PLBD1: variants seen among roughly 807,000 people sequenced by gnomAD.
The protein encoded by PLBD1 is phospholipase B domain containing 1, also known as lysosomal leucine aminopeptidase.
Under a neutral mutation model 63.0 loss-of-function variants are expected in PLBD1, and 60 were observed. The ratio of observed to expected loss-of-function variants is 0.95; its 90% CI spans 0.77 to 1.18. The LOEUF (loss-of-function observed/expected upper bound fraction) is 1.18, where lower values mean the gene tolerates loss of function less well. PLBD1 is among the 50% of genes most tolerant of loss of function. PLBD1 has a pLI of 0.00. For missense variants in PLBD1, 598 were observed against 677.9 expected (o/e 0.88, Z 1.31); for synonymous variants, 262 against 248.0 (o/e 1.06, Z -0.53).
intron 1 of PLBD1, among the ~76,000 whole-genome samples, chr12:14,563,935 T>C (rs1480938974): frequency 6.6e-6 from 1 of 152,198 alleles, no homozygotes; most frequent in Non-Finnish European, 1.5e-5. Flanking sequence ...CGAATGAATT[T>C]GGAAATAAGA....
chr12:14,558,858 T>C (rs1226191250), intron 1 of PLBD1, among the ~76,000 whole-genome samples: 1 of 152,244 alleles, frequency 6.6e-6, no homozygotes, highest in Non-Finnish European at 1.5e-5. Flanking sequence ...GACACTCGTG[T>C]ACCTCCATGA....
At chr12:14,533,735 TC>T (rs1945486985) in intron 6 of PLBD1, among the ~76,000 whole-genome samples, 1 of 152,166 alleles carries the variant, frequency 6.6e-6, no homozygotes, top group South Asian at 2.1e-4. Flanking sequence ...GAGTCCCCAG[TC>T]CCCCTCAATG....
chr12:14,551,102 T>C (rs768168519), intron 2 of PLBD1, among the ~76,000 whole-genome samples: 108 of 151,904 alleles, frequency 7.1e-4, no homozygotes, highest in Non-Finnish European at 1.5e-3. Flanking sequence ...TGGTGGTTCA[T>C]GCCTGTAATC....
intron 2 of PLBD1, among the ~76,000 whole-genome samples, chr12:14,546,974 A>G (rs763076016): frequency 6.6e-6 from 1 of 151,884 alleles, no homozygotes; most frequent in Non-Finnish European, 1.5e-5. Context: ...TTTGCCACCG[A>G]GGTTCAAGCA....
At chr12:14,515,105 T>C (rs1332410307) in intron 6 of PLBD1, among the ~76,000 whole-genome samples, 3 of 152,204 alleles carry the variant, frequency 2.0e-5, no homozygotes, top group Non-Finnish European at 4.4e-5. Flanking sequence ...AACCACTATG[T>C]AGTCATGCAA....
rs200131855 is a variant in PLBD1 at position 14,535,709 on chromosome 12, A to G, written c.794T>C (p.Val265Ala). Residue 265 changes from valine (V) to alanine (A), a missense_variant, in exon 6 of 11, where the codon GTC (valine) becomes GCC (alanine). By Grantham distance (64) the Val-to-Ala change is moderately conservative. Coordinates refer to ENST00000240617, the MANE Select transcript of PLBD1 (RefSeq NM_024829.6). Reference protein sequence around the residue: ...LRIYKHWDFNVIDKDTSSSRL... With the variant: ...LRIYKHWDFNAIDKDTSSSRL... Reference sequence around the variant, plus strand: ...ACTACTGCTGGTATCTTTATCTATGACGTTGAAGTCCCAGTGTTTATATAT... The same window carrying G: ...ACTACTGCTGGTATCTTTATCTATGGCGTTGAAGTCCCAGTGTTTATATAT... 9.9e-6 allele frequency: 16 copies of G among 1,613,884 alleles called. No individual in the cohort carries two copies. The East Asian group carries it at 3.3e-4, about 34-fold the overall frequency.
chr12:14,537,630 G>A (rs1945530854), intron 4 of PLBD1, among the ~76,000 whole-genome samples: 1 of 152,174 alleles, frequency 6.6e-6, no homozygotes, highest in Admixed American at 6.5e-5. Flanking sequence ...TGTGCAAACT[G>A]GAGAGCACGG....
chr12:14,503,989 T>A (rs1945227099), intron 10 of PLBD1, 35 bp from the exon 11 acceptor site: 1 of 1,561,482 alleles, frequency 6.4e-7, no homozygotes, highest in Non-Finnish European at 8.7e-7. Context: ...TTTTAGAAAA[T>A]CATCGTTCAG....
chr12:14,562,618 G>A (rs1008500381), intron 1 of PLBD1, among the ~76,000 whole-genome samples: 10 of 151,880 alleles, frequency 6.6e-5, no homozygotes, highest in African/African-American at 1.9e-4. Flanking sequence ...AAGAAGCTCC[G>A]TAATAACATT....
At chr12:14,527,924 G>A (rs1236959645) in intron 6 of PLBD1, among the ~76,000 whole-genome samples, 1 of 151,720 alleles carries the variant, frequency 6.6e-6, no homozygotes, top group Non-Finnish European at 1.5e-5. Flanking sequence ...ATTAAGGCAA[G>A]GAGTTGTACT....
chr12:14,546,467 T>C (rs1945617354), intron 2 of PLBD1, among the ~76,000 whole-genome samples: 2 of 152,234 alleles, frequency 1.3e-5, no homozygotes, highest in South Asian at 4.1e-4. Context: ...CTTCCATCAC[T>C]GCACCCTGCC....
intron 6 of PLBD1, among the ~76,000 whole-genome samples, chr12:14,519,402 T>C (rs1428217181): frequency 1.3e-5 from 2 of 151,530 alleles, no homozygotes; most frequent in African/African-American, 2.4e-5. Flanking sequence ...AGGTGGATCA[T>C]GAGGTAAGGA....
chr12:14,504,798 A>G (rs1378088803), intron 10 of PLBD1, among the ~76,000 whole-genome samples: 1 of 152,230 alleles, frequency 6.6e-6, no homozygotes, highest in East Asian at 1.9e-4. Flanking sequence ...GAGGGGAAAG[A>G]GAATCTCTTC....
At chr12:14,523,776 A>G (rs573894195) in intron 6 of PLBD1, among the ~76,000 whole-genome samples, 70 of 152,300 alleles carry the variant, frequency 4.6e-4, no homozygotes, top group South Asian at 3.1e-3. Context: ...ATCTACATGG[A>G]GAGGAATGAA....
intron 2 of PLBD1, among the ~76,000 whole-genome samples, chr12:14,550,284 A>G (rs1945646436): frequency 6.6e-6 from 1 of 152,218 alleles, no homozygotes. Flanking sequence ...TAGAGATTCT[A>G]GAGCTATCTC....
At chr12:14,512,530 T>C (rs1337507897) in intron 6 of PLBD1, among the ~76,000 whole-genome samples, 1 of 152,200 alleles carries the variant, frequency 6.6e-6, no homozygotes, top group Non-Finnish European at 1.5e-5. Context: ...ATTGACACTC[T>C]TGGTCAATGC....
In PLBD1 at chr12:14,536,484, G is replaced by A. The variant is rs1253891749; in HGVS notation, c.699+86C>T. On this transcript the variant is annotated intron_variant, in intron 5 of 10. Coordinates refer to ENST00000240617, the MANE Select transcript of PLBD1 (RefSeq NM_024829.6). ...GAGCTGATATACAGTTATAGCCAGG[G>A]GTGATGAGATGTTGCTATACTTGGG... 2.8e-6 allele frequency: 4 copies of A among 1,418,426 alleles called. No individual in the cohort carries two copies. In the South Asian group the frequency reaches 3.8e-5, roughly 14 times the overall value. 87.9% of individuals were successfully genotyped at this position (1,418,426 alleles called of 1,614,324 possible).
At chr12:14,567,413 C>A (rs1945799225) in intron 1 of PLBD1, among the ~76,000 whole-genome samples, 169 bp downstream of exon 1, 1 of 152,194 alleles carries the variant, frequency 6.6e-6, no homozygotes, top group South Asian at 2.1e-4. Context: ...GCCCTCGCTG[C>A]GCAGCCGCAG....
chr12:14,507,393 T>C (rs1015060996), intron 8 of PLBD1, among the ~76,000 whole-genome samples: 5 of 152,178 alleles, frequency 3.3e-5, no homozygotes, highest in African/African-American at 1.2e-4. Context: ...TCTTAATCTC[T>C]AAGCCAAAAA....
Sources: gnomAD v4.1 joint callset for allele counts (sites outside exome capture counted in the v4.1 genomes callset) on GRCh38, gnomAD v4.1.1 for gene constraint, MANE v1.5 for transcripts, NCBI Gene and HGNC (gene_info 2026-07-23, HGNC 2026-07-21) for gene names.